The following LRRC37A2 variants were observed in gnomAD, a reference collection of about 807,000 sequenced individuals.
The protein encoded by LRRC37A2 is leucine-rich repeat-containing protein 37A2.
Under a neutral mutation model 68.8 loss-of-function variants are expected in LRRC37A2, and 9 were observed. That is an observed-to-expected ratio of 0.13 (90% confidence interval 0.08 to 0.23). LRRC37A2 has a LOEUF of 0.23. LRRC37A2 is among the 10% of genes least tolerant of loss of function. LRRC37A2 has a pLI of 1.00. For synonymous variants in LRRC37A2, 63 were observed against 367.6 expected (o/e 0.17, Z 9.48); for missense variants, 168 against 950.4 (o/e 0.18, Z 10.82).
chr17:46,675,990 C>T, the LRRC37A2 span, among the ~76,000 whole-genome samples: 1 of 135,806 alleles, frequency 7.4e-6, no homozygotes, highest in Non-Finnish European at 1.5e-5. Flanking sequence ...TCGTAAGATA[C>T]GGGCTGCAGC....
At chr17:46,735,443 C>T in the LRRC37A2 span, among the ~76,000 whole-genome samples, 2 of 151,274 alleles carry the variant, frequency 1.3e-5, no homozygotes, top group African/African-American at 4.9e-5. Flanking sequence ...GTAGAACTTA[C>T]TCTTTGTATT....
At chr17:46,840,016 TTTCTTTC>T in the LRRC37A2 span, among the ~76,000 whole-genome samples, 1 of 100,130 alleles carries the variant, frequency 1.0e-5, no homozygotes, top group Admixed American at 1.2e-4. Flanking sequence ...TCTTTCTTTC[TTTCTTTC>T]TTTCTTTCTT....
chr17:46,923,959 A>G, the LRRC37A2 span: 2 of 398,070 alleles, frequency 5.0e-6, no homozygotes, highest in Admixed American at 4.4e-5. Flanking sequence ...GAATTTTATG[A>G]TTTTTATTTT....
the LRRC37A2 span, among the ~76,000 whole-genome samples, chr17:46,860,875 G>A: frequency 0.024 from 3,724 of 152,066 alleles, 157 homozygotes; most frequent in African/African-American, 0.086. Context: ...TTTATTTTTA[G>A]AGAGATAGGT....
the LRRC37A2 span, chr17:46,940,375 T>C: frequency 2.3e-5 from 35 of 1,519,222 alleles, no homozygotes; most frequent in Non-Finnish European, 3.1e-5. Context: ...AAGCAGTGAC[T>C]GGAGGGTGGA....
the LRRC37A2 span, among the ~76,000 whole-genome samples, chr17:46,900,202 T>TACATACATATATATATACAC: frequency 3.0e-5 from 3 of 101,168 alleles, no homozygotes; most frequent in African/African-American, 5.1e-5. Flanking sequence ...TATATATATA[T>TACATACATATATATATACAC]ACACACACAC....
chr17:46,968,822 C>A, the LRRC37A2 span: 1 of 152,270 alleles, frequency 6.6e-6, no homozygotes, highest in Non-Finnish European at 1.5e-5. Flanking sequence ...TCATTGAATG[C>A]AGAAGGGCCT....
chr17:46,931,118 A>G, the LRRC37A2 span: 1 of 1,602,892 alleles, frequency 6.2e-7, no homozygotes, highest in Non-Finnish European at 8.5e-7. Context: ...ACGAAATCCA[A>G]GCAAGCATAG....
chr17:46,895,033 G>A, the LRRC37A2 span, among the ~76,000 whole-genome samples: 1 of 152,240 alleles, frequency 6.6e-6, no homozygotes, highest in Non-Finnish European at 1.5e-5. Flanking sequence ...TCTCGGCAGA[G>A]CAGACCTGCC....
the LRRC37A2 span, among the ~76,000 whole-genome samples, chr17:46,977,264 C>A: frequency 6.6e-6 from 1 of 152,198 alleles, no homozygotes; most frequent in African/African-American, 2.4e-5. Context: ...CCTCGTTATT[C>A]TTCACTCCCA....
the LRRC37A2 span, chr17:46,874,927 T>A: frequency 5.0e-5 from 50 of 991,274 alleles, no homozygotes; most frequent in Non-Finnish European, 7.7e-5. Flanking sequence ...AAGGGGCAGT[T>A]GACAGGGAGA....
the LRRC37A2 span, among the ~76,000 whole-genome samples, chr17:46,913,542 T>C: frequency 2.6e-5 from 4 of 152,104 alleles, no homozygotes; most frequent in Non-Finnish European, 5.9e-5. Flanking sequence ...GGAAGGGTGT[T>C]TGAAGCACAG....
the LRRC37A2 span, chr17:46,875,183 C>T: frequency 3.7e-6 from 6 of 1,613,962 alleles, no homozygotes; most frequent in African/African-American, 8.0e-5. Flanking sequence ...GCGCTGGGCG[C>T]ATGGAGCGCT....
the LRRC37A2 span, chr17:46,940,965 A>G: frequency 3.3e-6 from 4 of 1,225,072 alleles, no homozygotes; most frequent in Non-Finnish European, 4.1e-6. Context: ...CCACCGCCTC[A>G]GTGTAGGGAA....
the LRRC37A2 span, among the ~76,000 whole-genome samples, chr17:46,942,842 C>T: frequency 6.6e-5 from 10 of 152,172 alleles, no homozygotes; most frequent in African/African-American, 2.2e-4. Context: ...ATGGAAGGCA[C>T]ATGGGAGAGG....
chr17:46,986,698 T>C, the LRRC37A2 span, among the ~76,000 whole-genome samples: 2 of 152,136 alleles, frequency 1.3e-5, no homozygotes, highest in South Asian at 4.1e-4. Context: ...CGCGGAGAAG[T>C]GAGAGGTAAA....
chr17:46,893,771 C>A, the LRRC37A2 span, among the ~76,000 whole-genome samples: 1 of 152,096 alleles, frequency 6.6e-6, no homozygotes, highest in Non-Finnish European at 1.5e-5. Flanking sequence ...TAACTGTCGG[C>A]AAAAGAAAGA....
At chr17:46,931,569 A>G in the LRRC37A2 span, 217,068 of 336,088 alleles carry the variant, frequency 0.65, 71,062 homozygotes, top group Middle Eastern at 0.69. Context: ...GAAATGAAAA[A>G]TCACTTCAAT....
chr17:46,855,463 T>A, the LRRC37A2 span, among the ~76,000 whole-genome samples: 1 of 152,106 alleles, frequency 6.6e-6, no homozygotes, highest in Non-Finnish European at 1.5e-5. Flanking sequence ...CTCTGTGTTG[T>A]CCCTGATCAA....
Sources: allele counts gnomAD v4.1 joint callset (sites outside exome capture counted in the v4.1 genomes callset), GRCh38; gene constraint gnomAD v4.1.1; transcripts MANE v1.5; gene names NCBI Gene and HGNC (gene_info 2026-07-23, HGNC 2026-07-21).